AP1G1: variants seen among roughly 807,000 people sequenced by gnomAD.
The protein encoded by AP1G1 is adaptor related protein complex 1 subunit gamma 1.
In AP1G1, 7 loss-of-function variants were observed where a neutral mutation model predicts 108.3. That is an observed-to-expected ratio of 0.06 (90% confidence interval 0.04 to 0.12). AP1G1 has a LOEUF of 0.12. AP1G1 is among the 10% of genes least tolerant of loss of function. AP1G1 has a pLI of 1.00. For missense variants in AP1G1, 756 were observed against 1,010.7 expected (o/e 0.75, Z 3.42); for synonymous variants, 379 against 353.5 (o/e 1.07, Z -0.81).
At position 71,764,367 on chromosome 16, in the gene AP1G1, A is replaced by T; in HGVS notation, c.901T>A (p.Ser301Thr). ...ETVLTIMDIK[S>T]ESGLRVLAIN... ...AGACTTACTCGCAATCCACTCTCTG[A>T]CTTAATATCCATGATAGTCAAAACC... Residue 301 changes from serine (S) to threonine (T), a missense_variant, in exon 9 of 23, where the codon TCA (serine) becomes ACA (threonine). Ser to Thr is a moderately conservative substitution (Grantham distance 58). Coordinates refer to ENST00000299980, the MANE Select transcript of AP1G1 (RefSeq NM_001128.6). 1 of 1,601,208 alleles carries T rather than the reference A, an allele frequency of 6.2e-7. No individual in the cohort carries two copies. The highest frequency in any genetic ancestry group is 8.5e-7 in the Non-Finnish European group (1 of 1,172,216).
Position 71,789,406 on chromosome 16 carries a change from T to C in AP1G1, c.74A>G (p.Glu25Gly). Residue 25 changes from glutamate to glycine, a missense_variant, in exon 2 of 23, where the codon GAA becomes GGA. Around this residue, in one of 3 missense-constraint regions of AP1G1, gnomAD observed 304 missense variants for 483.6 expected, o/e 0.63. Coordinates refer to ENST00000299980, the MANE Select transcript of AP1G1 (RefSeq NM_001128.6). ...TGCAGCACATTCTTTCTGGATCATTTCTCGTTCTTCAGCTTGGGTTCGGGC... is the reference window on the plus strand; with the variant it reads ...TGCAGCACATTCTTTCTGGATCATTCCTCGTTCTTCAGCTTGGGTTCGGGC... ...RTARTQAEEREMIQKECAAIR... is the reference protein window; with the variant it reads ...RTARTQAEERGMIQKECAAIR... 6.2e-7 allele frequency: 1 copy of C among 1,614,118 alleles called. No homozygotes were observed. Among genetic ancestry groups the C allele is most frequent in the Non-Finnish European group, 8.5e-7 (1 of 1,180,022 alleles).
intron 6 of AP1G1, 161 bp downstream of exon 6, chr16:71,769,462 G>A (rs2031483188): frequency 3.0e-6 from 2 of 664,328 alleles, no homozygotes; most frequent in East Asian, 5.9e-5. Flanking sequence ...TCACTTATAT[G>A]CCTAAATCTG....
intron 13 of AP1G1, among the ~76,000 whole-genome samples, chr16:71,752,932 G>C (rs1386520263): frequency 6.6e-6 from 1 of 152,002 alleles, no homozygotes; most frequent in Non-Finnish European, 1.5e-5. Context: ...TTTTCCATTA[G>C]AGTGGTATTT....
intron 2 of AP1G1, among the ~76,000 whole-genome samples, chr16:71,784,055 G>A (rs919439745): frequency 3.3e-5 from 5 of 152,094 alleles, no homozygotes; most frequent in African/African-American, 1.2e-4. Context: ...TGAGGATACT[G>A]TCTCTTACAT....
intron 1 of AP1G1, among the ~76,000 whole-genome samples, chr16:71,791,225 C>CAA (rs397941817): frequency 3.5e-4 from 39 of 111,212 alleles, no homozygotes; most frequent in Admixed American, 1.0e-3. Context: ...CTCAAAAAAA[C>CAA]AAAAAAAAAA....
intron 4 of AP1G1, chr16:71,773,015 G>A: frequency 1.5e-6 from 1 of 676,646 alleles, no homozygotes; most frequent in Non-Finnish European, 2.6e-6. Context: ...TGCCACCTAG[G>A]ATATATCCAG....
chr16:71,735,227 T>A (rs779719015), intron 21 of AP1G1, among the ~76,000 whole-genome samples: 1 of 152,228 alleles, frequency 6.6e-6, no homozygotes, highest in Admixed American at 6.5e-5. Context: ...TAATCTATAA[T>A]GTGTCAGAGC....
Position 71,732,161 on chromosome 16 carries a change from G to T in AP1G1, c.*897C>A, listed in dbSNP as rs1236368439. 2 of 152,250 alleles carry T rather than the reference G, an allele frequency of 1.3e-5. No individual in the cohort carries two copies. Among genetic ancestry groups the T allele is most frequent in the African/African-American group, 4.8e-5 (2 of 41,444 alleles). The allele number at this position is 152,250 out of a possible 1,614,324, so 9.4% of individuals were successfully genotyped here. ...TGGGCTTAGGAGCACTTTAAAATTT[G>T]TGGTGGGAATAGGGTCATTAATAAC... On this transcript the variant is annotated 3_prime_UTR_variant, in exon 23 of 23. Coordinates refer to ENST00000299980, the MANE Select transcript of AP1G1 (RefSeq NM_001128.6).
chr16:71,770,273 A>C (rs2031519911), intron 5 of AP1G1, among the ~76,000 whole-genome samples: 1 of 152,248 alleles, frequency 6.6e-6, no homozygotes, highest in Non-Finnish European at 1.5e-5. Flanking sequence ...CACAGCACTG[A>C]ATTTGTCAAA....
intron 15 of AP1G1, among the ~76,000 whole-genome samples, chr16:71,749,683 G>C (rs528198702): frequency 6.6e-6 from 1 of 152,026 alleles, no homozygotes; most frequent in Non-Finnish European, 1.5e-5. Flanking sequence ...TAGAGACAGA[G>C]TTTCACCATG....
rs193013285 is a variant in AP1G1 at position 71,748,112 on chromosome 16, T to C, written c.1625+139A>G. The stretch of plus-strand genomic sequence containing the variant: ...ATTGATCACTGTGACTGTGGAGAAA[T>C]AAGTAATGGAAATTTGTGTTATTAT... On this transcript the variant is annotated intron_variant, in intron 16 of 22. Transcript: ENST00000299980. The C allele has an allele frequency of 1.4e-4, 120 of 867,446 alleles. 1 individual carries two copies. In the African/African-American group the frequency reaches 1.8e-3, roughly 13 times the overall value. 53.7% of individuals were successfully genotyped at this position (867,446 alleles called of 1,614,324 possible).
chr16:71,747,137 T>G, intron 16 of AP1G1: 1 of 152,348 alleles, frequency 6.6e-6, no homozygotes, highest in East Asian at 1.9e-4. Flanking sequence ...ATTTTAAAAG[T>G]AATTCAATAC....
chr16:71,749,996 A>G lies in AP1G1; in HGVS notation c.1408-13T>C, dbSNP rs1230282012. 2 of 1,602,368 alleles carry G rather than the reference A, an allele frequency of 1.2e-6. No homozygotes were observed. The highest frequency in any genetic ancestry group is 2.7e-5 in the African/African-American group (2 of 74,634). On this transcript the variant is annotated splice_polypyrimidine_tract_variant and intron_variant, in intron 14 of 22. Coordinates refer to ENST00000299980, the MANE Select transcript of AP1G1 (RefSeq NM_001128.6). The stretch of plus-strand genomic sequence containing the variant: ...GTACCAAAGGTTGCTGTGAAAAGAA[A>G]AGTCAACGTTTCTCAAGAACTTCAA...
At chr16:71,806,399 A>G (rs1025195842) in intron 1 of AP1G1, among the ~76,000 whole-genome samples, 1 of 152,216 alleles carries the variant, frequency 6.6e-6, no homozygotes. Flanking sequence ...TGAATTTTTA[A>G]AAGTTTAATA....
At chr16:71,795,266 T>C (rs2032546009) in intron 1 of AP1G1, among the ~76,000 whole-genome samples, 1 of 152,214 alleles carries the variant, frequency 6.6e-6, no homozygotes, top group Non-Finnish European at 1.5e-5. Flanking sequence ...CCTCAAGTTA[T>C]TTGAGCTCTA....
intron 1 of AP1G1, among the ~76,000 whole-genome samples, chr16:71,801,636 CTCT>C (rs2032803740): frequency 6.6e-6 from 1 of 151,792 alleles, no homozygotes; most frequent in Non-Finnish European, 1.5e-5. Context: ...TGAAGAAATG[CTCT>C]TCAAGGCCGG....
At chr16:71,768,231 C>G (rs558136893) in intron 6 of AP1G1, among the ~76,000 whole-genome samples, 1 of 148,156 alleles carries the variant, frequency 6.7e-6, no homozygotes, top group Non-Finnish European at 1.5e-5. Context: ...GGCGCGGTAG[C>G]TCACGCCTGT....
chr16:71,767,427 AAAAT>A (rs1419861201), intron 6 of AP1G1, among the ~76,000 whole-genome samples: 1 of 152,238 alleles, frequency 6.6e-6, no homozygotes, highest in Non-Finnish European at 1.5e-5. Context: ...AGAGAGAAAT[AAAAT>A]CTCTAAGTGT....
intron 6 of AP1G1, among the ~76,000 whole-genome samples, chr16:71,768,960 G>GC (rs2031449431): frequency 1.1e-4 from 5 of 45,008 alleles, no homozygotes; most frequent in Admixed American, 3.9e-4. Flanking sequence ...AGAAATTCCT[G>GC]CCTTTAAAAA....
Sources: allele counts gnomAD v4.1 joint callset (sites outside exome capture counted in the v4.1 genomes callset), GRCh38; gene constraint gnomAD v4.1.1; regional missense constraint gnomAD v4.1.1; transcripts MANE v1.5; gene names NCBI Gene and HGNC (gene_info 2026-07-23, HGNC 2026-07-21).